Variants in JAG2 observed in about 807,000 individuals in gnomAD.
JAG2 encodes the protein jagged canonical Notch ligand 2, also known as protein jagged-2.
In JAG2, 46 loss-of-function variants were observed where a neutral mutation model predicts 141.7. That is an observed-to-expected ratio of 0.32 (90% confidence interval 0.26 to 0.42). The LOEUF (loss-of-function observed/expected upper bound fraction) is 0.42, where lower values mean the gene tolerates loss of function less well. Among genes scored for constraint, JAG2 ranks in the 10% least tolerant of loss-of-function variants. The pLI, the probability that JAG2 is intolerant of heterozygous loss-of-function variation, is 1.00. For missense variants in JAG2, 1,500 were observed against 1,817.5 expected, an observed-to-expected ratio of 0.83 and a Z score of 3.18; for synonymous variants, 862 against 763.5, an observed-to-expected ratio of 1.13 and a Z score of -2.13.
Position 105,152,238 on chromosome 14 carries a change from C to A in JAG2, c.842G>T (p.Gly281Val). 6.2e-7 allele frequency: 1 copy of A among 1,613,538 alleles called. No individual in the cohort carries two copies. The highest frequency in any genetic ancestry group is 8.5e-7 in the Non-Finnish European group (1 of 1,180,004). The change falls in exon 6 of 26, where the codon GGC (glycine) becomes GTC (valine). Residue 281 changes from glycine to valine, a missense_variant. Gly to Val is a moderately radical substitution (Grantham distance 109). Around this residue, in one of 3 missense-constraint regions of JAG2, gnomAD observed 875 missense variants for 1,202.2 expected, o/e 0.73. Coordinates refer to ENST00000331782, the MANE Select transcript of JAG2 (RefSeq NM_002226.5). The stretch of plus-strand genomic sequence containing the variant: ...CTCCACACAACTGCCATGCACGCAG[C>A]CGGGGTAGGGGACACACTCATCGCA... Reference protein sequence around the residue: ...RFCDECVPYPGCVHGSCVEPW... With the variant: ...RFCDECVPYPVCVHGSCVEPW...
In JAG2 at chr14:105,143,494, C is replaced by T. The variant is rs201660730; in HGVS notation, c.3229G>A (p.Gly1077Ser). ...CTCCCGCGCTTACCTGTGGAAGAGC[C>T]GCCCGTAACAACCGTCTCCACCTTG... ...EVKVETVVTG[G>S]SSTGLLVPVL... The change falls in exon 25 of 26, where the codon GGC becomes AGC. Residue 1077 changes from glycine to serine, a missense_variant. Gly to Ser is a moderately conservative substitution (Grantham distance 56). Coordinates refer to ENST00000331782, the MANE Select transcript of JAG2 (RefSeq NM_002226.5). 22 of 1,557,816 alleles carry T rather than the reference C, an allele frequency of 1.4e-5. No homozygotes were observed. In the Admixed American group the frequency reaches 1.8e-4, roughly 12 times the overall value.
At position 105,152,239 on chromosome 14, in the gene JAG2, C is replaced by T. The variant is rs1377648342; in HGVS notation, c.841G>A (p.Gly281Ser). Reference protein sequence around the residue: ...RFCDECVPYPGCVHGSCVEPW... With the variant: ...RFCDECVPYPSCVHGSCVEPW... ...TCCACACAACTGCCATGCACGCAGC[C>T]GGGGTAGGGGACACACTCATCGCAG... Residue 281 changes from glycine (G) to serine (S), a missense_variant, in exon 6 of 26, where the codon GGC becomes AGC. By Grantham distance (56) the Gly-to-Ser change is moderately conservative (BLOSUM62 0). This residue lies in a region of JAG2 where 875 missense variants were observed against 1,202.2 expected (regional missense o/e 0.73). Transcript: ENST00000331782. The T allele has an allele frequency of 2.5e-6, 4 of 1,613,518 alleles. No homozygotes were observed. Among genetic ancestry groups the T allele is most frequent in the East Asian group, 2.2e-5 (1 of 44,886 alleles).
intron 2 of JAG2, among the ~76,000 whole-genome samples, chr14:105,163,039 G>A (rs1008398122): frequency 6.0e-5 from 9 of 150,304 alleles, no homozygotes; most frequent in East Asian, 3.9e-4. Context: ...GGCCCTGCAC[G>A]GTCCAGGCCA....
rs1380622111 is a variant in JAG2, at chr14:105,147,952, C to G, written c.2249-64G>C. The G allele has an allele frequency of 2.2e-6, 3 of 1,337,678 alleles. No homozygotes were observed. The African/African-American group carries it at 4.4e-5, about 19-fold the overall frequency. 82.9% of individuals were successfully genotyped at this position (1,337,678 alleles called of 1,614,324 possible). ...CCTGGGCTGGCCCTGGGTCTCCATA[C>G]CGCGCCCCCAACCCAGACAGGGCAG... On this transcript the variant is annotated intron_variant, in intron 17 of 25. Coordinates refer to ENST00000331782, the MANE Select transcript of JAG2 (RefSeq NM_002226.5).
chr14:105,168,183 C>T, intron 1 of JAG2, 76 bp from the exon 2 acceptor site: 1 of 1,247,970 alleles, frequency 8.0e-7, no homozygotes, highest in Non-Finnish European at 1.0e-6. Context: ...GGTGGGGGAA[C>T]AGGCCCCGCC....
Position 105,167,704 on chromosome 14 carries a change from G to C in JAG2, c.417+53C>G. On this transcript the variant is annotated intron_variant, in intron 2 of 25. Transcript: ENST00000331782. The surrounding 1 kb of genome is among the most constrained non-coding windows in gnomAD (Gnocchi z 4.8). Reference sequence around the variant, plus strand: ...TGGGGGTCGCGAAGCGCGCGGGGCCGGGGCGCGGAGAGAGAGGGAAGGGCT... The same window carrying C: ...TGGGGGTCGCGAAGCGCGCGGGGCCCGGGCGCGGAGAGAGAGGGAAGGGCT... The C allele has an allele frequency of 2.9e-6, 4 of 1,374,702 alleles. No homozygotes were observed. Among genetic ancestry groups the C allele is most frequent in the South Asian group, 3.2e-5 (2 of 62,316 alleles). 85.2% of individuals were successfully genotyped at this position (1,374,702 alleles called of 1,614,324 possible). A position where few individuals can be genotyped will look rare whatever the true frequency, so the allele number is the denominator to read the frequency against.
At position 105,143,624 on chromosome 14, in the gene JAG2, G is replaced by T; in HGVS notation, c.3099C>A (p.Ala1033=). The change falls in exon 25 of 26, where the codon GCC becomes GCA. Residue 1033 remains alanine, a synonymous_variant. Coordinates refer to ENST00000331782, the MANE Select transcript of JAG2 (RefSeq NM_002226.5). ...TCAGGCTGCTGTCAGGCAGGTCCCT[G>T]GCAGGGCTGAAGGACTGCGGCAAAG... ...AVEVAVSFSP[A]RDLPDSSLIQ... is the part of the protein sequence containing the mutation. 1 of 1,607,858 alleles carries T rather than the reference G, an allele frequency of 6.2e-7. No individual in the cohort carries two copies. The highest frequency in any genetic ancestry group is 8.5e-7 in the Non-Finnish European group (1 of 1,179,748).
rs140083307 is a variant in JAG2 at position 105,159,993 on chromosome 14, C to G, written c.418-2230G>C. Among the ~76,000 whole-genome samples, 21 of 17,950 alleles carry G rather than the reference C, an allele frequency of 1.2e-3. 2 individuals are homozygous for G. Among genetic ancestry groups the G allele is most frequent in the Admixed American group, 9.4e-3 (21 of 2,238 alleles). 11.8% of individuals were successfully genotyped at this position (17,950 alleles called of 152,430 possible). A position where few individuals can be genotyped will look rare whatever the true frequency, so the allele number is the denominator to read the frequency against. ...CAACAGGGCTCCGTCCACACCCCCCCCAGAGCTCTGTCCACCCCCCCCAAC... is the reference window on the plus strand; with the variant it reads ...CAACAGGGCTCCGTCCACACCCCCCGCAGAGCTCTGTCCACCCCCCCCAAC... On this transcript the variant is annotated intron_variant, in intron 2 of 25. Transcript: ENST00000331782.
rs769513887 is a variant in JAG2, at chr14:105,150,896, C to A, written c.1397G>T (p.Arg466Leu). ...INCHINVNDC[R>L]GQCQHGGTCK... ...GGTGCCCCCATGCTGACACTGCCCG[C>A]GACAGTCGTTGACGTCTGGGGGCAG... Residue 466 changes from arginine to leucine, a missense_variant, in exon 11 of 26, where the codon CGC (arginine) becomes CTC (leucine). Arg to Leu is a moderately radical substitution (Grantham distance 102). Coordinates refer to ENST00000331782, the MANE Select transcript of JAG2 (RefSeq NM_002226.5). The A allele has an allele frequency of 3.8e-6, 6 of 1,592,048 alleles. No individual in the cohort carries two copies. Among genetic ancestry groups the A allele is most frequent in the Non-Finnish European group, 5.1e-6 (6 of 1,169,864 alleles).
chr14:105,152,435 G>A, intron 5 of JAG2, 144 bp from the exon 6 acceptor site: 6 of 966,764 alleles, frequency 6.2e-6, no homozygotes, highest in Non-Finnish European at 9.4e-6. Flanking sequence ...CAGCCAGGCA[G>A]GGGTTGCAGC....
rs747514721 is a variant in JAG2 at position 105,148,363 on chromosome 14, C to T, written c.2097G>A (p.Ala699=). The T allele has an allele frequency of 9.3e-6, 15 of 1,611,984 alleles. No homozygotes were observed. The East Asian group carries it at 1.1e-4, about 12-fold the overall frequency. The change falls in exon 16 of 26, where the codon GCG becomes GCA. Residue 699 remains alanine (A), a synonymous_variant. Transcript: ENST00000331782. ...TCTTGCCCTTCCAGCCGTCGTCGCA[C>T]GCACAGTAGAAGTCATTGACCAGGT... The part of the protein sequence containing the change: ...CYDLVNDFYC[A]CDDGWKGKTC...
Position 105,147,520 on chromosome 14 carries a change from G to T in JAG2, c.2373C>A (p.Asn791Lys). The T allele has an allele frequency of 6.2e-7, 1 of 1,612,070 alleles. No homozygotes were observed. The highest frequency in any genetic ancestry group is 8.5e-7 in the Non-Finnish European group (1 of 1,179,262). ...WEGRTCTHNTNDCNPLPCYNG... is the reference protein window; with the variant it reads ...WEGRTCTHNTKDCNPLPCYNG... ...CTCACCAAGGCAGAGGGTTGCAGTC[G>T]TTGGTATCTGGTTTGGGAGAAGAGA... is the stretch of plus-strand genomic sequence containing the variant. Residue 791 changes from asparagine to lysine, a missense_variant, in exon 19 of 26, where the codon AAC becomes AAA. Asn to Lys is a moderately conservative substitution (Grantham distance 94). Around this residue, in one of 3 missense-constraint regions of JAG2, gnomAD observed 875 missense variants for 1,202.2 expected, o/e 0.73. Coordinates refer to ENST00000331782, the MANE Select transcript of JAG2 (RefSeq NM_002226.5).
At position 105,148,765 on chromosome 14, in the gene JAG2, T is replaced by G. The variant is rs1888311455; in HGVS notation, c.2000A>C (p.Glu667Ala). The stretch of plus-strand genomic sequence containing the variant: ...CTCACTGGTGTCGCAGAGCTCGCCC[T>G]CCCAGCCGCTGGGGCAGAAGCAGCG... ...AFRCFCPSGW[E>A]GELCDTNPND... Residue 667 changes from glutamate to alanine, a missense_variant, in exon 15 of 26, where the codon GAG (glutamate) becomes GCG (alanine). Glu to Ala is a moderately radical substitution (Grantham distance 107, BLOSUM62 -1). Transcript: ENST00000331782. 1 of 1,578,896 alleles carries G rather than the reference T, an allele frequency of 6.3e-7. No individual in the cohort carries two copies. The highest frequency in any genetic ancestry group is 1.3e-5 in the African/African-American group (1 of 74,376).
At position 105,149,787 on chromosome 14, in the gene JAG2, G is replaced by T. The variant is rs587746422; in HGVS notation, c.1603-467C>A. ...CAAGGCCAGGGCAGGATCGTGGGCG[G>T]CCGAGGGTGGTAGGGAGGTGGGTGG... is the stretch of plus-strand genomic sequence containing the variant. On this transcript the variant is annotated intron_variant, in intron 12 of 25. Coordinates refer to ENST00000331782, the MANE Select transcript of JAG2 (RefSeq NM_002226.5). Among the ~76,000 whole-genome samples the T allele has an allele frequency of 2.1e-5, 3 of 142,104 alleles. No individual in the cohort carries two copies. The Admixed American group carries it at 2.1e-4, about 10-fold the overall frequency. The allele number at this position is 142,104 out of a possible 152,430, so 93.2% of individuals were successfully genotyped here.
chr14:105,146,718 T>C lies in JAG2; in HGVS notation c.2486A>G (p.Asp829Gly). The stretch of plus-strand genomic sequence containing the variant: ...GGCACAGGGCGAGGACTGGCACTCG[T>C]CGATGTCTGCAGGGAGAGCCACCGC... ...FAGPDCRINI[D>G]ECQSSPCAYG... Residue 829 changes from aspartate (D) to glycine (G), a missense_variant, in exon 21 of 26, where the codon GAC becomes GGC. This residue lies in a region of JAG2 where 875 missense variants were observed against 1,202.2 expected (regional missense o/e 0.73). Coordinates refer to ENST00000331782, the MANE Select transcript of JAG2 (RefSeq NM_002226.5). 6.2e-7 allele frequency: 1 copy of C among 1,611,934 alleles called. No individual in the cohort carries two copies. Among genetic ancestry groups the C allele is most frequent in the East Asian group, 2.2e-5 (1 of 44,872 alleles).
chr14:105,152,976 A>T (rs931257600), intron 5 of JAG2, among the ~76,000 whole-genome samples: 1 of 152,036 alleles, frequency 6.6e-6, no homozygotes, highest in Non-Finnish European at 1.5e-5. Flanking sequence ...GGAGTCCCCC[A>T]GGAGAGGGCA....
intron 13 of JAG2, 34 bp from the exon 14 acceptor site, chr14:105,149,123 G>A (rs1208158839): frequency 5.3e-6 from 8 of 1,510,290 alleles, no homozygotes; most frequent in Admixed American, 3.6e-5. Context: ...AGTCAGGCCC[G>A]CCCCTGCCCC....
rs202178182 is a variant in JAG2, at chr14:105,145,748, G to A, written c.2935C>T (p.Arg979Cys). 45 of 1,596,692 alleles carry A rather than the reference G, an allele frequency of 2.8e-5. No homozygotes were observed. The highest frequency in any genetic ancestry group is 2.2e-4 in the Admixed American group (13 of 58,222). The change falls in exon 23 of 26, where the codon CGT becomes TGT. Residue 979 changes from arginine to cysteine, a missense_variant. Coordinates refer to ENST00000331782, the MANE Select transcript of JAG2 (RefSeq NM_002226.5). The part of the protein sequence containing the change: ...NCARLTLHFN[R>C]DHVPQGTTVG... ...CCCCTCACCTGGGGCACGTGGTCAC[G>A]GTTGAAATGCAAGGTGAGGCGGGCA...
intron 5 of JAG2, 112 bp downstream of exon 5, chr14:105,155,450 G>T: frequency 8.2e-7 from 1 of 1,217,406 alleles, no homozygotes. Context: ...TCACAGCTGT[G>T]TGCCCAACCT....
Sources: allele counts gnomAD v4.1 joint callset (sites outside exome capture counted in the v4.1 genomes callset), GRCh38; gene constraint gnomAD v4.1.1; regional missense constraint gnomAD v4.1.1; non-coding constraint Gnocchi (gnomAD v3.1); transcripts MANE v1.5; gene names NCBI Gene and HGNC (gene_info 2026-07-23, HGNC 2026-07-21).